Variants in SLC7A2 observed in about 807,000 individuals in gnomAD.
SLC7A2 encodes the protein cationic amino acid transporter 2.
In SLC7A2, 48 loss-of-function variants were observed where a neutral mutation model predicts 58.9. That is an observed-to-expected ratio of 0.82 (90% confidence interval 0.65 to 1.04). The LOEUF (loss-of-function observed/expected upper bound fraction) is 1.04, where lower values mean the gene tolerates loss of function less well. SLC7A2 is among the 50% of genes least tolerant of loss of function. The pLI is 0.00. For synonymous variants in SLC7A2, 363 were observed against 314.5 expected, an observed-to-expected ratio of 1.15 and a Z score of -1.63; for missense variants, 1,029 against 818.8, an observed-to-expected ratio of 1.26 and a Z score of -3.13.
At chr8:17,557,151 C>T (rs1802745394) in intron 8 of SLC7A2, among the ~76,000 whole-genome samples, 1 of 152,186 alleles carries the variant, frequency 6.6e-6, no homozygotes, top group Non-Finnish European at 1.5e-5. Context: ...TTTCCCTTCT[C>T]ATAGGATCAT....
At chr8:17,560,974 A>G (rs1358032608) in intron 10 of SLC7A2, among the ~76,000 whole-genome samples, 1 of 152,028 alleles carries the variant, frequency 6.6e-6, no homozygotes, top group Non-Finnish European at 1.5e-5. Context: ...TGTGTCAGGC[A>G]CTCCACTGGG....
intron 2 of SLC7A2, among the ~76,000 whole-genome samples, chr8:17,541,874 T>C (rs1801927101): frequency 6.6e-6 from 1 of 152,242 alleles, no homozygotes; most frequent in South Asian, 2.1e-4. Context: ...ATGTATTTTT[T>C]CTTAACTAAT....
Position 17,509,062 on chromosome 8 carries a change from G to T in SLC7A2, c.-23+6760G>T, listed in dbSNP as rs28369361. Among the ~76,000 whole-genome samples, 211 of 152,194 alleles carry T rather than the reference G, an allele frequency of 1.4e-3. 1 individual carries two copies. Among genetic ancestry groups the T allele is most frequent in the African/African-American group, 4.9e-3 (205 of 41,542 alleles). On this transcript the variant is annotated intron_variant, in intron 2 of 12. Coordinates refer to ENST00000494857, the MANE Select transcript of SLC7A2 (RefSeq NM_001370338.1). The stretch of plus-strand genomic sequence containing the variant: ...TAAAGTGGAGGCAGCTCTAGGAGTG[G>T]GGACTGTAGACATCAGCTGTAGTTG...
intron 10 of SLC7A2, among the ~76,000 whole-genome samples, chr8:17,561,317 G>A (rs548386916): frequency 6.6e-6 from 1 of 152,108 alleles, no homozygotes; most frequent in Non-Finnish European, 1.5e-5. Flanking sequence ...ATGGTGGAAG[G>A]CGAAAGGCAC....
At chr8:17,551,337 C>T (rs894385898) in intron 6 of SLC7A2, among the ~76,000 whole-genome samples, 7 of 152,160 alleles carry the variant, frequency 4.6e-5, no homozygotes, top group South Asian at 2.1e-4. Context: ...CAGTGGCTCA[C>T]GCCTGTAATC....
intron 2 of SLC7A2, among the ~76,000 whole-genome samples, chr8:17,525,736 A>T (rs1423910569): frequency 6.6e-6 from 1 of 152,222 alleles, no homozygotes; most frequent in Non-Finnish European, 1.5e-5. Flanking sequence ...GAGGTAGATG[A>T]TGAAATACTG....
In SLC7A2 at chr8:17,519,047, T is replaced by C. The variant is rs966315838; in HGVS notation, c.-23+16745T>C. Among the ~76,000 whole-genome samples the C allele has an allele frequency of 2.6e-5, 4 of 152,146 alleles. No homozygotes were observed. The East Asian group carries it at 5.8e-4, about 22-fold the overall frequency. On this transcript the variant is annotated intron_variant, in intron 2 of 12. Coordinates refer to ENST00000494857, the MANE Select transcript of SLC7A2 (RefSeq NM_001370338.1). The stretch of plus-strand genomic sequence containing the variant: ...GGTGCCCCACCCACATGATCTCATC[T>C]AGCCCTAATTACCTTCTAAAGGCCC...
chr8:17,543,738 A>G, intron 3 of SLC7A2, 23 bp downstream of exon 3: 2 of 1,509,794 alleles, frequency 1.3e-6, no homozygotes, highest in Non-Finnish European at 1.8e-6. Context: ...AAGAAATCTA[A>G]CTTGTGTGGA....
intron 2 of SLC7A2, among the ~76,000 whole-genome samples, chr8:17,515,378 C>T (rs570529033): frequency 1.3e-4 from 20 of 151,882 alleles, no homozygotes; most frequent in Non-Finnish European, 2.1e-4. Flanking sequence ...TCACTGCAAC[C>T]TCCACCTCCC....
At position 17,569,216 on chromosome 8, in the gene SLC7A2, A is replaced by G. The variant is rs1169988228; in HGVS notation, c.*4070A>G. 4.6e-5 allele frequency: 7 copies of G among 152,152 alleles called. No individual in the cohort carries two copies. The highest frequency in any genetic ancestry group is 1.0e-4 in the Non-Finnish European group (7 of 68,042). The allele number at this position is 152,152 out of a possible 1,614,324, so 9.4% of individuals were successfully genotyped here. On this transcript the variant is annotated 3_prime_UTR_variant, in exon 13 of 13. Transcript: ENST00000494857. ...CTCTCCCTTTCCGGTGATACTGCTC[A>G]TGATTTCTCCTAATACGCTTCAAGC...
At chr8:17,550,460 T>C in intron 6 of SLC7A2, 26 bp downstream of exon 6, 2 of 1,606,492 alleles carry the variant, frequency 1.2e-6, no homozygotes, top group African/African-American at 1.3e-5. Context: ...TGGCTCAGTG[T>C]AGAAGGAGTG....
At chr8:17,522,887 A>G (rs771623999) in intron 2 of SLC7A2, among the ~76,000 whole-genome samples, 2 of 151,932 alleles carry the variant, frequency 1.3e-5, no homozygotes, top group Non-Finnish European at 2.9e-5. Context: ...AAATAAAAAT[A>G]TTAGCTGGGC....
intron 2 of SLC7A2, among the ~76,000 whole-genome samples, chr8:17,530,611 C>T (rs897760715): frequency 1.3e-5 from 2 of 149,802 alleles, no homozygotes; most frequent in African/African-American, 2.5e-5. Flanking sequence ...CTCTCTCTGA[C>T]ACCCAGCCTA....
chr8:17,499,179 C>G (rs1171279691), intron 1 of SLC7A2: 2 of 152,252 alleles, frequency 1.3e-5, no homozygotes, highest in Non-Finnish European at 2.9e-5. Flanking sequence ...TCTTTTCAGT[C>G]CTTCCTTTTC....
intron 2 of SLC7A2, among the ~76,000 whole-genome samples, chr8:17,519,468 A>G (rs1800930779): frequency 6.6e-6 from 1 of 152,078 alleles, no homozygotes; most frequent in Admixed American, 6.5e-5. Flanking sequence ...CTTCGTCCAT[A>G]TTTCTGTCGC....
chr8:17,544,141 A>C (rs1327219034), intron 3 of SLC7A2, among the ~76,000 whole-genome samples: 1 of 152,166 alleles, frequency 6.6e-6, no homozygotes, highest in Non-Finnish European at 1.5e-5. Flanking sequence ...AAGTGCTGGG[A>C]TTGCAGGTGT....
At chr8:17,508,811 A>T (rs1220157841) in intron 2 of SLC7A2, among the ~76,000 whole-genome samples, 1 of 152,238 alleles carries the variant, frequency 6.6e-6, no homozygotes, top group Non-Finnish European at 1.5e-5. Context: ...AACCACTAGT[A>T]ATGGTAGTAT....
chr8:17,564,866 G>A (rs1047088920), intron 12 of SLC7A2, 84 bp from the exon 13 acceptor site: 2 of 1,142,720 alleles, frequency 1.8e-6, no homozygotes, highest in African/African-American at 3.1e-5. Context: ...ACTCTATTAA[G>A]TTCTACATTT....
At chr8:17,516,075 CT>C in intron 2 of SLC7A2, among the ~76,000 whole-genome samples, 1 of 152,218 alleles carries the variant, frequency 6.6e-6, no homozygotes, top group Middle Eastern at 3.4e-3. Context: ...TTTTCTATGT[CT>C]TTTTCCCTAA....
Sources: gnomAD v4.1 joint callset for allele counts (sites outside exome capture counted in the v4.1 genomes callset) on GRCh38, gnomAD v4.1.1 for gene constraint, MANE v1.5 for transcripts, NCBI Gene and HGNC (gene_info 2026-07-23, HGNC 2026-07-21) for gene names.